Variants in ADPRH observed in about 807,000 individuals in gnomAD.
ADPRH encodes the protein ADP-ribosylarginine hydrolase, also known as ADP-ribose-L-arginine cleaving enzyme.
ADPRH carries 27 observed loss-of-function variants against 28.8 expected under a neutral mutation model. The ratio of observed to expected loss-of-function variants is 0.94; its 90% confidence interval spans 0.69 to 1.29. The LOEUF (loss-of-function observed/expected upper bound fraction) is 1.29. Ranked by LOEUF, ADPRH falls within the 50% of genes most tolerant of loss-of-function variation. The pLI is 0.00. For missense variants in ADPRH, 419 were observed against 444.8 expected (o/e 0.94, Z 0.52); for synonymous variants, 161 against 166.9 (o/e 0.96, Z 0.27).
In ADPRH at chr3:119,586,295, G is replaced by T; in HGVS notation, c.309G>T (p.Ser103=). The change falls in exon 4 of 5, where the codon TCG becomes TCT. Residue 103 remains serine (S), a synonymous_variant. Coordinates refer to ENST00000357003, the MANE Select transcript of ADPRH (RefSeq NM_001125.4). ...DMDGRAPGGA[S]VHNAMQLKPG... is the part of the protein sequence containing the mutation. Reference sequence around the variant, plus strand: ...CCGACTCTTCCCCAGGTGGTGCCTCGGTGCACAACGCCATGCAGCTGAAGC... The same window carrying T: ...CCGACTCTTCCCCAGGTGGTGCCTCTGTGCACAACGCCATGCAGCTGAAGC... The T allele has an allele frequency of 6.2e-7, 1 of 1,613,100 alleles. No homozygotes were observed.
At chr3:119,587,408 T>A (rs189943802) in intron 4 of ADPRH, 56 bp from the exon 5 acceptor site, 1 of 1,426,832 alleles carries the variant, frequency 7.0e-7, no homozygotes, top group East Asian at 2.3e-5. Flanking sequence ...GTGCTTTTTG[T>A]TATGACTTTT....
intron 3 of ADPRH, among the ~76,000 whole-genome samples, chr3:119,584,245 G>T (rs942095028): frequency 6.6e-6 from 1 of 151,864 alleles, no homozygotes; most frequent in African/African-American, 2.4e-5. Context: ...TAAGTAAAAA[G>T]AAAAATGTAT....
Position 119,587,903 on chromosome 3 carries a change from G to T in ADPRH, c.*25G>T, listed in dbSNP as rs372879324. 214 of 1,536,688 alleles carry T rather than the reference G, an allele frequency of 1.4e-4. No individual in the cohort carries two copies. In the African/African-American group the frequency reaches 2.8e-3, roughly 20 times the overall value. On this transcript the variant is annotated 3_prime_UTR_variant, in exon 5 of 5. Coordinates refer to ENST00000357003, the MANE Select transcript of ADPRH (RefSeq NM_001125.4). ...GGGAGACGTGATGTTCACTTCTGAT[G>T]GATTCTTCTTTTGTGTATTTCCTTT...
chr3:119,586,532 T>G lies in ADPRH; in HGVS notation c.546T>G (p.Ala182=). Reference sequence around the variant, plus strand: ...CGTCTGCTCTTTTTACAGCCTATGCTGTGAATAGCAGACCACCCTTGCAGT... The same window carrying G: ...CGTCTGCTCTTTTTACAGCCTATGCGGTGAATAGCAGACCACCCTTGCAGT... The part of the protein sequence containing the change: ...ALASALFTAY[A]VNSRPPLQWG... The change falls in exon 4 of 5, where the codon GCT becomes GCG. Residue 182 remains alanine (A), a synonymous_variant. Transcript: ENST00000357003. 1 of 1,613,992 alleles carries G rather than the reference T, an allele frequency of 6.2e-7. No homozygotes were observed. The highest frequency in any genetic ancestry group is 8.5e-7 in the Non-Finnish European group (1 of 1,180,000).
chr3:119,586,818 A>G (rs1215813295), intron 4 of ADPRH, among the ~76,000 whole-genome samples, 173 bp downstream of exon 4: 1 of 152,152 alleles, frequency 6.6e-6, no homozygotes, highest in Non-Finnish European at 1.5e-5. Flanking sequence ...TAATGATTCT[A>G]CAAAGTAGCC....
intron 3 of ADPRH, 52 bp from the exon 4 acceptor site, chr3:119,586,233 G>A (rs1425199629): frequency 1.3e-6 from 2 of 1,597,110 alleles, no homozygotes; most frequent in Admixed American, 3.4e-5. Flanking sequence ...TTCCTGCTGG[G>A]GCCTTTGCTT....
chr3:119,586,432 A>C lies in ADPRH; in HGVS notation c.446A>C (p.Asp149Ala). The change falls in exon 4 of 5, where the codon GAC becomes GCC. Residue 149 changes from aspartate to alanine, a missense_variant. Physicochemically the swap from Asp to Ala is moderately radical, Grantham distance 126 (BLOSUM62 -2). Coordinates refer to ENST00000357003, the MANE Select transcript of ADPRH (RefSeq NM_001125.4). ...AGGTTCCCACACCATAGCCAACTGG[A>C]CACACTGATCCAAGTGAGCATCGAG... is the stretch of plus-strand genomic sequence containing the variant. ...GLRFPHHSQL[D>A]TLIQVSIESG... is the part of the protein sequence containing the mutation. The C allele has an allele frequency of 6.2e-7, 1 of 1,614,204 alleles. No homozygotes were observed. Among genetic ancestry groups the C allele is most frequent in the South Asian group, 1.1e-5 (1 of 91,084 alleles).
intron 3 of ADPRH, among the ~76,000 whole-genome samples, chr3:119,583,395 A>T (rs1384258516): frequency 2.6e-5 from 4 of 152,216 alleles, no homozygotes; most frequent in Non-Finnish European, 5.9e-5. Context: ...CCACAAAAAA[A>T]AGTGAGGCAA....
rs1045847781 is a variant in ADPRH at position 119,589,644 on chromosome 3, T to G, written c.*1766T>G. 1.3e-4 allele frequency: 20 copies of G among 152,206 alleles called. No individual in the cohort carries two copies. The highest frequency in any genetic ancestry group is 4.8e-4 in the African/African-American group (20 of 41,448). The allele number at this position is 152,206 out of a possible 1,614,324, so 9.4% of individuals were successfully genotyped here. A position where few individuals can be genotyped will look rare whatever the true frequency, so the allele number is the denominator to read the frequency against. On this transcript the variant is annotated 3_prime_UTR_variant, in exon 5 of 5. Transcript: ENST00000357003. ...TTCTAGTGCAGGGCTTTAGCCACAA[T>G]TGTAAACAACAGGAAAAGGCTCTTT...
Position 119,587,894 on chromosome 3 carries a change from ACTTCTGATGGATT to A in ADPRH, c.*22_*34del, listed in dbSNP as rs780588518. Reference sequence around the variant, plus strand: ...TTCCCTTTAGGGAGACGTGATGTTCACTTCTGATGGATTCTTCTTTTGTGTATTTCCTTTTCTG... The same window carrying A: ...TTCCCTTTAGGGAGACGTGATGTTCACTTCTTTTGTGTATTTCCTTTTCTG... On this transcript the variant is annotated 3_prime_UTR_variant, in exon 5 of 5. Coordinates refer to ENST00000357003, the MANE Select transcript of ADPRH (RefSeq NM_001125.4). 2.8e-5 allele frequency: 43 copies of A among 1,547,288 alleles called. No homozygotes were observed. In the South Asian group the frequency reaches 4.7e-4, roughly 17 times the overall value.
intron 3 of ADPRH, among the ~76,000 whole-genome samples, chr3:119,585,874 C>A (rs2082453996): frequency 2.0e-5 from 3 of 152,188 alleles, no homozygotes; most frequent in Admixed American, 1.3e-4. Context: ...TATTGGACTC[C>A]ATAAGGAATT....
chr3:119,584,050 T>A (rs953573355), intron 3 of ADPRH, among the ~76,000 whole-genome samples: 19 of 151,950 alleles, frequency 1.3e-4, no homozygotes, highest in Admixed American at 1.2e-3. Context: ...AGTGCTGGGA[T>A]TACAGGCATG....
chr3:119,581,574 T>C (rs1182980996), intron 2 of ADPRH, among the ~76,000 whole-genome samples: 1 of 152,184 alleles, frequency 6.6e-6, no homozygotes, highest in Admixed American at 6.5e-5. Flanking sequence ...TCCACTCCTC[T>C]TGTTTTGTGA....
chr3:119,583,951 T>C (rs1366263650), intron 3 of ADPRH, among the ~76,000 whole-genome samples: 1 of 151,852 alleles, frequency 6.6e-6, no homozygotes, highest in African/African-American at 2.4e-5. Context: ...CTAATTTTTG[T>C]ATTTTTGGTA....
Position 119,582,154 on chromosome 3 carries a change from C to T in ADPRH, c.-16C>T, listed in dbSNP as rs778594436. On this transcript the variant is annotated 5_prime_UTR_variant, in exon 3 of 5. Coordinates refer to ENST00000357003, the MANE Select transcript of ADPRH (RefSeq NM_001125.4). ...CAAAGACACCCTCTCCAGAGCCCAG[C>T]AATTGTGAGGGACTGATGGAGAAGT... is the stretch of plus-strand genomic sequence containing the variant. The T allele has an allele frequency of 8.8e-6, 14 of 1,582,720 alleles. No individual in the cohort carries two copies. Among genetic ancestry groups the T allele is most frequent in the Non-Finnish European group, 1.1e-5 (13 of 1,159,938 alleles).
chr3:119,583,176 C>T (rs1290112277), intron 3 of ADPRH, among the ~76,000 whole-genome samples: 1 of 152,112 alleles, frequency 6.6e-6, no homozygotes, highest in East Asian at 1.9e-4. Context: ...CTACAGTGAG[C>T]TAGGATCGTG....
chr3:119,584,881 A>C (rs1268093395), intron 3 of ADPRH, among the ~76,000 whole-genome samples: 4 of 152,140 alleles, frequency 2.6e-5, no homozygotes, highest in Non-Finnish European at 5.9e-5. Flanking sequence ...CTGTGTCCTC[A>C]CATGGTCTTT....
At position 119,587,641 on chromosome 3, in the gene ADPRH, C is replaced by T. The variant is rs200850516; in HGVS notation, c.837C>T (p.Tyr279=). 7.4e-5 allele frequency: 120 copies of T among 1,614,080 alleles called. No homozygotes were observed. Among genetic ancestry groups the T allele is most frequent in the African/African-American group, 2.3e-4 (17 of 74,938 alleles). ...GGCACGATGCCCCCATGATTGCCTA[C>T]GATGCTGTTCTTGCTGCAGGAGACT... ...SSGHDAPMIA[Y]DAVLAAGDSW... The change falls in exon 5 of 5, where the codon TAC becomes TAT. Residue 279 remains tyrosine (Y), a synonymous_variant. Coordinates refer to ENST00000357003, the MANE Select transcript of ADPRH (RefSeq NM_001125.4).
Position 119,582,097 on chromosome 3 carries a change from C to T in ADPRH, c.-36-37C>T, listed in dbSNP as rs929747139. On this transcript the variant is annotated intron_variant, in intron 2 of 4. Transcript: ENST00000357003. ...TTGTTTTTTCTGATTCTTCTTGCTC[C>T]TCATCCTATTTCCTTTGTCTTAATT... is the stretch of plus-strand genomic sequence containing the variant. 12 of 1,399,242 alleles carry T rather than the reference C, an allele frequency of 8.6e-6. No homozygotes were observed. The African/African-American group carries it at 8.7e-5, about 10-fold the overall frequency. The allele number at this position is 1,399,242 out of a possible 1,614,324, so 86.7% of individuals were successfully genotyped here. A position where few individuals can be genotyped will look rare whatever the true frequency, so the allele number is the denominator to read the frequency against.
Sources: gnomAD v4.1 joint callset for allele counts (sites outside exome capture counted in the v4.1 genomes callset) on GRCh38, gnomAD v4.1.1 for gene constraint, MANE v1.5 for transcripts, NCBI Gene and HGNC (gene_info 2026-07-23, HGNC 2026-07-21) for gene names.